PKD1L1: variants seen among roughly 807,000 people sequenced by gnomAD.
PKD1L1 encodes polycystin 1 like 1, transient receptor potential channel interacting, also known as polycystin-1-like protein 1.
PKD1L1 carries 236 observed loss-of-function variants against 323.4 expected under a neutral mutation model. That is an observed-to-expected ratio of 0.73 (90% CI 0.66 to 0.81). The LOEUF (loss-of-function observed/expected upper bound fraction) is 0.81, where lower values mean the gene tolerates loss of function less well. Ranked by LOEUF, PKD1L1 falls within the 40% of genes least tolerant of loss-of-function variation. The pLI, the probability that PKD1L1 is intolerant of heterozygous loss-of-function variation, is 0.00. For synonymous variants in PKD1L1, 1,344 were observed against 1,335.0 expected, an observed-to-expected ratio of 1.01 and a Z score of -0.15; for missense variants, 3,320 against 3,508.0, an observed-to-expected ratio of 0.95 and a Z score of 1.35.
At chr7:47,784,055 C>T (rs1201881031) in intron 56 of PKD1L1, among the ~76,000 whole-genome samples, 1 of 152,158 alleles carries the variant, frequency 6.6e-6, no homozygotes, top group African/African-American at 2.4e-5. Flanking sequence ...GCCTCGAGTG[C>T]CATTCTAGCA....
intron 19 of PKD1L1, among the ~76,000 whole-genome samples, chr7:47,884,320 G>A (rs778545440): frequency 1.1e-4 from 17 of 152,168 alleles, no homozygotes; most frequent in Non-Finnish European, 2.1e-4. Flanking sequence ...TTTGGCAGAC[G>A]ACACTCCATG....
chr7:47,940,488 TTTTC>T (rs1396859036), intron 2 of PKD1L1, among the ~76,000 whole-genome samples, 171 bp from the exon 3 acceptor site: 3 of 152,320 alleles, frequency 2.0e-5, no homozygotes, highest in African/African-American at 7.2e-5. Context: ...GCTGTGTGTG[TTTTC>T]TTTCTATTTC....
At chr7:47,960,405 G>A in the PKD1L1 span, among the ~76,000 whole-genome samples, 45,340 of 104,550 alleles carry the variant, frequency 0.43, 10,122 homozygotes, top group Non-Finnish European at 0.51. Flanking sequence ...CTGTAAAAAA[G>A]AAAAAAAAAG....
At chr7:47,833,943 G>T (rs1048657570) in intron 40 of PKD1L1, among the ~76,000 whole-genome samples, 1 of 152,222 alleles carries the variant, frequency 6.6e-6, no homozygotes, top group Non-Finnish European at 1.5e-5. Flanking sequence ...TCACAAGGAG[G>T]TGGAGAAGCT....
chr7:47,893,806 C>A (rs747470638), intron 15 of PKD1L1, 72 bp downstream of exon 15: 4 of 1,471,688 alleles, frequency 2.7e-6, no homozygotes, highest in South Asian at 2.5e-5. Flanking sequence ...TAGCCTCCAA[C>A]GTTCCAGAGC....
chr7:47,913,553 T>C (rs1172087597), intron 8 of PKD1L1, among the ~76,000 whole-genome samples: 2 of 152,156 alleles, frequency 1.3e-5, no homozygotes, highest in Non-Finnish European at 2.9e-5. Flanking sequence ...GTCCTCATGA[T>C]AGTGAGTTCT....
chr7:47,910,374 GC>G (rs1249453122), intron 8 of PKD1L1, among the ~76,000 whole-genome samples: 8 of 142,800 alleles, frequency 5.6e-5, no homozygotes, highest in Admixed American at 2.9e-4. Context: ...TTGCTCTGTC[GC>G]CCAGGCTAAA....
chr7:47,846,287 GT>G (rs1785663456), intron 32 of PKD1L1, among the ~76,000 whole-genome samples: 1 of 152,210 alleles, frequency 6.6e-6, no homozygotes, highest in African/African-American at 2.4e-5. Context: ...AGAATTGTTA[GT>G]CTGTCAGCTA....
chr7:47,821,682 G>A (rs1200272958), intron 45 of PKD1L1, among the ~76,000 whole-genome samples: 1 of 101,548 alleles, frequency 9.8e-6, no homozygotes, highest in East Asian at 3.1e-4. Context: ...TCAATATCAA[G>A]TTTTCCCAGC....
chr7:47,817,731 A>G (rs1275742554), intron 46 of PKD1L1, among the ~76,000 whole-genome samples: 1 of 152,054 alleles, frequency 6.6e-6, no homozygotes. Context: ...TTAGCCAGAC[A>G]TGGTGATGGG....
chr7:47,788,357 C>T (rs1263459832), intron 56 of PKD1L1, among the ~76,000 whole-genome samples: 4 of 150,080 alleles, frequency 2.7e-5, no homozygotes, highest in Non-Finnish European at 5.9e-5. Flanking sequence ...GTGGTGCGAT[C>T]TCTGCTCACT....
In PKD1L1 at chr7:47,857,591, C is replaced by CT; in HGVS notation, c.4590+13dup. On this transcript the variant is annotated intron_variant, in intron 28 of 56. Coordinates refer to ENST00000289672, the MANE Select transcript of PKD1L1 (RefSeq NM_138295.5). ...ATGGTCATTAGAAGTGGCAGGTCAT[C>CT]TGTCAGCTTGTACCTGCCCAGGAGC... is the stretch of plus-strand genomic sequence containing the variant. 1.9e-6 allele frequency: 3 copies of CT among 1,602,880 alleles called. No individual in the cohort carries two copies. The highest frequency in any genetic ancestry group is 2.6e-6 in the Non-Finnish European group (3 of 1,170,490).
intron 46 of PKD1L1, among the ~76,000 whole-genome samples, chr7:47,820,444 G>T (rs900390198): frequency 6.6e-6 from 1 of 152,162 alleles, no homozygotes. Context: ...GAAACTGAAG[G>T]CCGGGCGTAG....
chr7:47,785,537 C>T (rs1464602561), intron 56 of PKD1L1, among the ~76,000 whole-genome samples: 1 of 152,114 alleles, frequency 6.6e-6, no homozygotes, highest in Admixed American at 6.5e-5. Context: ...AGAGGCTCTA[C>T]TACTGTCCTC....
chr7:47,840,356 A>C lies in PKD1L1; in HGVS notation c.5552+105T>G. 1.3e-6 allele frequency: 1 copy of C among 749,714 alleles called. No homozygotes were observed. The highest frequency in any genetic ancestry group is 2.3e-6 in the Non-Finnish European group (1 of 440,442). 46.4% of individuals were successfully genotyped at this position (749,714 alleles called of 1,614,324 possible). A position where few individuals can be genotyped will look rare whatever the true frequency, so the allele number is the denominator to read the frequency against. ...TGTATATAAATCGATGCTCACTATT[A>C]GAGACCAATGTTATGTATTCTACTG... On this transcript the variant is annotated intron_variant, in intron 35 of 56. Coordinates refer to ENST00000289672, the MANE Select transcript of PKD1L1 (RefSeq NM_138295.5). The surrounding 1 kb of genome is among the most constrained non-coding windows in gnomAD (Gnocchi z 4.1).
At position 47,803,314 on chromosome 7, in the gene PKD1L1, A is replaced by G; in HGVS notation, c.7858T>C (p.Phe2620Leu). The G allele has an allele frequency of 6.2e-7, 1 of 1,614,088 alleles. No homozygotes were observed. The highest frequency in any genetic ancestry group is 8.5e-7 in the Non-Finnish European group (1 of 1,180,008). Residue 2620 changes from phenylalanine to leucine, a missense_variant, in exon 53 of 57, where the codon TTC becomes CTC. Transcript: ENST00000289672. ...RARWLRGILLFLFTLKCVYLP... is the reference protein window; with the variant it reads ...RARWLRGILLLLFTLKCVYLP... ...TAGACGCATTTTAATGTGAAGAGGA[A>G]TAAGAGGATTCCCCGGAGCCATCGA... is the stretch of plus-strand genomic sequence containing the variant.
chr7:47,936,825 C>A (rs374203425), intron 4 of PKD1L1, 21 bp downstream of exon 4: 2 of 1,527,770 alleles, frequency 1.3e-6, no homozygotes, highest in Non-Finnish European at 1.8e-6. Context: ...AGCAATATTT[C>A]GCCATGGTAC....
In PKD1L1 at chr7:47,890,649, G is replaced by C; in HGVS notation, c.2568C>G (p.Leu856=). 1.2e-6 allele frequency: 2 copies of C among 1,614,176 alleles called. No homozygotes were observed. The highest frequency in any genetic ancestry group is 1.7e-6 in the Non-Finnish European group (2 of 1,180,036). ...APTVSFEAQW[L]SDSYDQFLVM... Reference sequence around the variant, plus strand: ...CAAGGAACTGATCATAGCTGTCACTGAGCCATTGTGCCTCAAAGGAAACAG... The same window carrying C: ...CAAGGAACTGATCATAGCTGTCACTCAGCCATTGTGCCTCAAAGGAAACAG... Residue 856 remains leucine (L), a synonymous_variant, in exon 16 of 57, where the codon CTC becomes CTG. Coordinates refer to ENST00000289672, the MANE Select transcript of PKD1L1 (RefSeq NM_138295.5).
rs1416577802 is a variant in PKD1L1 at position 47,855,010 on chromosome 7, T to A, written c.4731A>T (p.Val1577=). ...GGAGATTCACTTTATCCCGAAGTAA[T>A]ACAAATGTCGTTTTATTTCTCCTAT... ...LDNRRNKTTF[V]LLRDKVNLHQ... Residue 1577 remains valine, a synonymous_variant, in exon 30 of 57, where the codon GTA becomes GTT. Transcript: ENST00000289672. 6.2e-7 allele frequency: 1 copy of A among 1,613,210 alleles called. No homozygotes were observed. Among genetic ancestry groups the A allele is most frequent in the Non-Finnish European group, 8.5e-7 (1 of 1,179,880 alleles).
Sources: gnomAD v4.1 joint callset for allele counts (sites outside exome capture counted in the v4.1 genomes callset) on GRCh38, gnomAD v4.1.1 for gene constraint, Gnocchi (gnomAD v3.1) non-coding constraint, MANE v1.5 for transcripts, NCBI Gene and HGNC (gene_info 2026-07-23, HGNC 2026-07-21) for gene names.